Variants in RTL9 observed in about 807,000 individuals in gnomAD.
RTL9 encodes retrotransposon Gag like 9.
RTL9 carries 19 observed loss-of-function variants against 44.7 expected under a neutral mutation model. The ratio of observed to expected loss-of-function variants is 0.42; its 90% CI spans 0.30 to 0.62. RTL9 has a LOEUF of 0.62. Ranked by LOEUF, RTL9 falls within the 20% of genes least tolerant of loss-of-function variation. RTL9 has a pLI of 0.16. For synonymous variants in RTL9, 407 were observed against 398.9 expected, an observed-to-expected ratio of 1.02 and a Z score of -0.24; for missense variants, 1,105 against 1,080.6, an observed-to-expected ratio of 1.02 and a Z score of -0.32.
chrX:110,433,294 A>C (rs1351230809), intron 1 of RTL9, among the ~76,000 whole-genome samples: 4 of 112,422 alleles, frequency 3.6e-5, no homozygotes, highest in Admixed American at 2.8e-4. Flanking sequence ...AGAAGTGATA[A>C]CTTGAATGGG....
chrX:110,427,701 A>T (rs1301866043), intron 1 of RTL9, among the ~76,000 whole-genome samples: 1 of 112,293 alleles, frequency 8.9e-6, no homozygotes, highest in East Asian at 2.8e-4. Flanking sequence ...GCTCTATAGG[A>T]TGAAGTCCAA....
chrX:110,391,689 T>C (rs563380286), intron 1 of RTL9, among the ~76,000 whole-genome samples: 1 of 112,197 alleles, frequency 8.9e-6, no homozygotes, highest in Non-Finnish European at 1.9e-5. Flanking sequence ...AAGTTGTCTT[T>C]AGTGAGAAAC....
rs2068956527 is a variant in RTL9, at chrX:110,453,164, A to G, written c.2547A>G (p.Leu849=). ...TCTCTGGAGCAATGTCCATGCCACT[A>G]ACAAGATCCACAGCCTCTGGAGGGA... The change falls in exon 1 of 2, where the codon CTA becomes CTG. Residue 849 remains leucine, a synonymous_variant. Coordinates refer to ENST00000540313, the Ensembl canonical transcript of RTL9. 3.3e-6 allele frequency: 4 copies of G among 1,210,122 alleles called. No homozygotes were observed. In the Admixed American group the frequency reaches 8.7e-5, roughly 26 times the overall value.
rs755483656 is a variant in RTL9 at position 110,378,008 on chromosome X, C to CAAAAAAAAAA, written c.-168+19107_-168+19116dup. Among the ~76,000 whole-genome samples the CAAAAAAAAAA allele has an allele frequency of 4.3e-3, 134 of 30,936 alleles. 10 individuals are homozygous for CAAAAAAAAAA. The highest frequency in any genetic ancestry group is 0.018 in the African/African-American group (128 of 7,233). 26.9% of individuals were successfully genotyped at this position (30,936 alleles called of 115,157 possible). ...TGGGCGACAGAGCGAGACTCCGTCT[C>CAAAAAAAAAA]AAAAAAAAAAAAAAAAAAAAAAAAT... On this transcript the variant is annotated intron_variant, in intron 1 of 2. Transcript: ENST00000520821.
chrX:110,430,764 T>C (rs889976571), intron 1 of RTL9, among the ~76,000 whole-genome samples: 4 of 112,424 alleles, frequency 3.6e-5, no homozygotes, highest in African/African-American at 1.3e-4. Flanking sequence ...CTCTTTGAAA[T>C]GCTCAACATA....
At chrX:110,455,534 A>T (rs41300874) in exon 2 of RTL9, 7,295 of 388,743 alleles carry the variant, frequency 0.019, 87 homozygotes, top group South Asian at 0.05. Flanking sequence ...CAGAGTAGGG[A>T]CTACAAGAGT....
chrX:110,415,549 C>T (rs192567665), upstream of RTL9, among the ~76,000 whole-genome samples: 3 of 111,475 alleles, frequency 2.7e-5, no homozygotes, highest in East Asian at 2.8e-4. Context: ...TATTGATGCC[C>T]AGTGTACTCT....
upstream of RTL9, among the ~76,000 whole-genome samples, chrX:110,414,470 A>G (rs1037844086): frequency 6.2e-5 from 7 of 112,685 alleles, no homozygotes; most frequent in Non-Finnish European, 1.3e-4. Context: ...GGTACCAGCC[A>G]CTGTGCCAGG....
At chrX:110,439,451 G>A (rs780444251) in intron 1 of RTL9, among the ~76,000 whole-genome samples, 8 of 112,015 alleles carry the variant, frequency 7.1e-5, no homozygotes, top group South Asian at 3.7e-4. Context: ...ATACCCTACC[G>A]CTTAAAACAT....
chrX:110,364,991 G>T (rs2068287756), intron 1 of RTL9, among the ~76,000 whole-genome samples: 1 of 112,016 alleles, frequency 8.9e-6, no homozygotes, highest in African/African-American at 3.2e-5. Context: ...GTAGGAAAAT[G>T]GGAATCTAGA....
chrX:110,429,962 G>A (rs1357141915), intron 1 of RTL9, among the ~76,000 whole-genome samples: 1 of 111,861 alleles, frequency 8.9e-6, no homozygotes, highest in Non-Finnish European at 1.9e-5. Context: ...TGTAATTTTG[G>A]ATTATGAGTT....
At chrX:110,450,496 T>C (rs1603021594), upstream of RTL9, 2 of 590,131 alleles carry the variant, frequency 3.4e-6, no homozygotes, top group African/African-American at 2.3e-5. Context: ...GTCTCCACCA[T>C]GAACAATTTG....
intron 1 of RTL9, among the ~76,000 whole-genome samples, chrX:110,381,048 T>C (rs2068415065): frequency 8.9e-6 from 1 of 112,265 alleles, no homozygotes; most frequent in Admixed American, 9.4e-5. Flanking sequence ...AATTTATGAC[T>C]GAGTCATCAA....
intron 1 of RTL9, among the ~76,000 whole-genome samples, chrX:110,440,601 T>C (rs1454430103): frequency 8.9e-6 from 1 of 111,879 alleles, no homozygotes; most frequent in Non-Finnish European, 1.9e-5. Context: ...AAGGATGCTG[T>C]TTTCATGCCC....
At chrX:110,451,797 G>T (rs2068943131) in exon 1 of RTL9, 3 of 1,211,596 alleles carry the variant, frequency 2.5e-6, no homozygotes, top group Non-Finnish European at 3.4e-6. Flanking sequence ...GAGAGCAACA[G>T]CCTCTGGGGT....
At chrX:110,456,218 T>C (rs1440831301) in exon 2 of RTL9, 1 of 112,330 alleles carries the variant, frequency 8.9e-6, no homozygotes, top group Non-Finnish European at 1.9e-5. Flanking sequence ...GGTGGTGGGG[T>C]TATGGGTAGT....
chrX:110,432,438 T>C (rs1050362560), intron 1 of RTL9, among the ~76,000 whole-genome samples: 10 of 111,999 alleles, frequency 8.9e-5, no homozygotes, highest in South Asian at 3.8e-4. Flanking sequence ...GGAGGGTTGA[T>C]AGCTTCGAGA....
At chrX:110,419,101 CAT>C (rs2068699647) in exon 1 of RTL9, 3 of 112,435 alleles carry the variant, frequency 2.7e-5, no homozygotes, top group South Asian at 7.4e-4. Flanking sequence ...AATTCTACAA[CAT>C]ATGGAGCGCC....
At chrX:110,455,651 CT>C (rs1361707538) in exon 2 of RTL9, 1 of 149,076 alleles carries the variant, frequency 6.7e-6, no homozygotes, top group Non-Finnish European at 1.3e-5. Flanking sequence ...TCAAAAAACC[CT>C]TAGCGTATCT....
Sources: gnomAD v4.1 joint callset for allele counts (sites outside exome capture counted in the v4.1 genomes callset) on GRCh38, gnomAD v4.1.1 for gene constraint, MANE v1.5 for transcripts, NCBI Gene and HGNC (gene_info 2026-07-23, HGNC 2026-07-21) for gene names.